The following ADAMTSL1 variants were observed in gnomAD, a reference collection of about 807,000 sequenced individuals.
The protein encoded by ADAMTSL1 is ADAMTS-like protein 1.
A neutral mutation model predicts 201.8 loss-of-function variants in ADAMTSL1; 126 were observed. The observed-to-expected ratio is 0.62, with a 90% CI of 0.54 to 0.72. ADAMTSL1 has a LOEUF of 0.72. Ranked by LOEUF, ADAMTSL1 falls within the 30% of genes least tolerant of loss-of-function variation. The pLI is 0.00. For synonymous variants in ADAMTSL1, 1,121 were observed against 903.4 expected, an observed-to-expected ratio of 1.24 and a Z score of -4.32; for missense variants, 2,679 against 2,277.8, an observed-to-expected ratio of 1.18 and a Z score of -3.59.
chr9:17,946,053 T>A (rs2798924), intron 1 of ADAMTSL1, among the ~76,000 whole-genome samples: 86,984 of 143,624 alleles, frequency 0.61, 25,795 homozygotes, highest in East Asian at 0.93. Flanking sequence ...AAGCTCATGA[T>A]GTGTATGTGT....
intron 2 of ADAMTSL1, among the ~76,000 whole-genome samples, chr9:18,369,396 A>T (rs557903149): frequency 2.0e-5 from 3 of 152,372 alleles, no homozygotes; most frequent in Non-Finnish European, 4.4e-5. Flanking sequence ...ATCACTAATC[A>T]TCAGAGAAAT....
At chr9:18,200,699 T>A (rs1362363930) in intron 2 of ADAMTSL1, among the ~76,000 whole-genome samples, 1 of 152,040 alleles carries the variant, frequency 6.6e-6, no homozygotes, top group African/African-American at 2.4e-5. Flanking sequence ...GAGTACTGAT[T>A]CAGAGCACTT....
intron 25 of ADAMTSL1, chr9:18,890,873 G>A (rs1240986985): frequency 3.5e-6 from 1 of 285,052 alleles, no homozygotes; most frequent in South Asian, 3.3e-5. Flanking sequence ...TCTTTGATGT[G>A]CCAGGAACTT....
At chr9:18,572,693 T>C (rs1269586467) in intron 3 of ADAMTSL1, among the ~76,000 whole-genome samples, 1 of 152,328 alleles carries the variant, frequency 6.6e-6, no homozygotes, top group Admixed American at 6.5e-5. Context: ...TCTTTAGTAG[T>C]ATCACTAATG....
intron 2 of ADAMTSL1, among the ~76,000 whole-genome samples, chr9:18,261,712 C>T (rs964108488): frequency 9.2e-5 from 14 of 152,166 alleles, no homozygotes; most frequent in African/African-American, 3.1e-4. Flanking sequence ...AGTGTAGCTG[C>T]TGTGGGCTTA....
chr9:18,306,224 C>T (rs1036492770), intron 2 of ADAMTSL1, among the ~76,000 whole-genome samples: 17 of 152,134 alleles, frequency 1.1e-4, no homozygotes, highest in Non-Finnish European at 1.2e-4. Context: ...GATAAATACA[C>T]GAAGATGAGG....
At chr9:18,720,737 C>T (rs946476108) in intron 14 of ADAMTSL1, among the ~76,000 whole-genome samples, 3 of 152,146 alleles carry the variant, frequency 2.0e-5, no homozygotes, top group East Asian at 3.9e-4. Flanking sequence ...GAGCTGAGAT[C>T]GTGCCACTAC....
intron 23 of ADAMTSL1, among the ~76,000 whole-genome samples, chr9:18,852,976 C>G (rs1053084087): frequency 2.6e-5 from 4 of 152,160 alleles, no homozygotes; most frequent in African/African-American, 9.7e-5. Flanking sequence ...GTGAAGCCTG[C>G]CTTTCTAGCC....
intron 2 of ADAMTSL1, among the ~76,000 whole-genome samples, chr9:18,358,742 A>T (rs9775327): frequency 0.012 from 1,893 of 152,292 alleles, 37 homozygotes; most frequent in African/African-American, 0.042. Flanking sequence ...GTTCTATTTT[A>T]TGCATATGCC....
At chr9:18,908,349 AC>A in intron 28 of ADAMTSL1, 92 bp from the exon 29 acceptor site, 4 of 1,096,422 alleles carry the variant, frequency 3.6e-6, no homozygotes, top group South Asian at 2.7e-5. Flanking sequence ...AGTGGCTGAA[AC>A]CCCCGGCTGC....
At chr9:18,799,439 C>T (rs1025355492) in intron 20 of ADAMTSL1, among the ~76,000 whole-genome samples, 2 of 152,114 alleles carry the variant, frequency 1.3e-5, no homozygotes, top group African/African-American at 2.4e-5. Context: ...AAGTAGTTTC[C>T]AGGTAAATTG....
intron 2 of ADAMTSL1, among the ~76,000 whole-genome samples, chr9:18,375,486 A>G (rs1837248289): frequency 6.6e-6 from 1 of 152,210 alleles, no homozygotes; most frequent in Non-Finnish European, 1.5e-5. Flanking sequence ...GCTGACAAAT[A>G]CAAGTTTATT....
chr9:18,064,791 AAT>A (rs1326752272), intron 1 of ADAMTSL1, among the ~76,000 whole-genome samples: 1 of 151,678 alleles, frequency 6.6e-6, no homozygotes, highest in Non-Finnish European at 1.5e-5. Flanking sequence ...ATTTATATAT[AAT>A]ATTTAGAAAA....
At chr9:18,771,345 G>A (rs1820676534) in intron 17 of ADAMTSL1, among the ~76,000 whole-genome samples, 1 of 152,114 alleles carries the variant, frequency 6.6e-6, no homozygotes, top group Admixed American at 6.5e-5. Context: ...CTGCACTTTG[G>A]GAAGTGATTG....
At chr9:18,178,427 C>T (rs1259560827) in intron 2 of ADAMTSL1, among the ~76,000 whole-genome samples, 4 of 152,074 alleles carry the variant, frequency 2.6e-5, no homozygotes, top group South Asian at 2.1e-4. Context: ...GATCAAACTG[C>T]AAGGCAGCAG....
In ADAMTSL1 at chr9:18,047,508, C is replaced by T. The variant is rs540390978; in HGVS notation, c.88-116354C>T. ...CCTCTAAGGTATCAGAAGGTAGTGA[C>T]TGCAAGAAGCAGCCATCCCTAAAAT... On this transcript the variant is annotated intron_variant, in intron 1 of 29. Transcript: ENST00000680146. 2.0e-5 allele frequency among the ~76,000 whole-genome samples: 3 copies of T among 152,230 alleles called. No individual in the cohort carries two copies. In the South Asian group the frequency reaches 6.2e-4, roughly 32 times the overall value.
intron 1 of ADAMTSL1, among the ~76,000 whole-genome samples, chr9:18,046,491 T>G (rs1821664627): frequency 1.3e-5 from 2 of 152,310 alleles, no homozygotes; most frequent in South Asian, 2.1e-4. Context: ...CACATTTAAC[T>G]GGCTAAAATA....
At chr9:18,218,132 T>C (rs999771922) in intron 2 of ADAMTSL1, among the ~76,000 whole-genome samples, 2 of 152,224 alleles carry the variant, frequency 1.3e-5, no homozygotes, top group African/African-American at 4.8e-5. Context: ...ACATACTTTT[T>C]AAAATCTCTA....
At chr9:18,751,337 C>T (rs1318631389) in intron 15 of ADAMTSL1, among the ~76,000 whole-genome samples, 1 of 152,124 alleles carries the variant, frequency 6.6e-6, no homozygotes, top group African/African-American at 2.4e-5. Flanking sequence ...CAGCATGGTA[C>T]AATAGAAAGT....
Sources: allele counts gnomAD v4.1 joint callset (sites outside exome capture counted in the v4.1 genomes callset), GRCh38; gene constraint gnomAD v4.1.1; transcripts MANE v1.5; gene names NCBI Gene and HGNC (gene_info 2026-07-23, HGNC 2026-07-21).